The following GCNA variants were observed in gnomAD, a reference collection of about 807,000 sequenced individuals.
The protein encoded by GCNA is germ cell nuclear acidic peptidase.
GCNA carries 3 observed loss-of-function variants against 38.8 expected under a neutral mutation model. The observed-to-expected ratio is 0.08, with a 90% confidence interval of 0.04 to 0.20. The LOEUF (loss-of-function observed/expected upper bound fraction) is 0.20, where lower values mean the gene tolerates loss of function less well. Among genes scored for constraint, GCNA ranks in the 10% least tolerant of loss-of-function variants. The pLI is 1.00. For missense variants in GCNA, 446 were observed against 578.6 expected (o/e 0.77, Z 2.35); for synonymous variants, 195 against 240.2 (o/e 0.81, Z 1.74).
intron 7 of GCNA, among the ~76,000 whole-genome samples, chrX:71,601,298 G>A (rs1200196112): frequency 1.8e-5 from 2 of 109,477 alleles, no homozygotes; most frequent in Admixed American, 9.8e-5. Flanking sequence ...CCGAGATTGC[G>A]CCACTGCATT....
At chrX:71,609,618 C>A (rs1037515105) in intron 10 of GCNA, among the ~76,000 whole-genome samples, 6 of 112,216 alleles carry the variant, frequency 5.3e-5, no homozygotes, top group Non-Finnish European at 9.4e-5. Flanking sequence ...AATACACATA[C>A]AGTGCCTAGA....
At chrX:71,590,957 A>G (rs1052585651) in intron 2 of GCNA, among the ~76,000 whole-genome samples, 2 of 111,906 alleles carry the variant, frequency 1.8e-5, no homozygotes, top group Admixed American at 1.9e-4. Flanking sequence ...TGCTGGGATT[A>G]CAAGCGTGAG....
At chrX:71,595,138 C>T (rs1450612324) in intron 6 of GCNA, among the ~76,000 whole-genome samples, 4 of 111,887 alleles carry the variant, frequency 3.6e-5, no homozygotes, top group Middle Eastern at 4.6e-3. Flanking sequence ...TCTTGCTCGA[C>T]CAGGTTCGAG....
chrX:71,594,862 A>C (rs1399193769), intron 6 of GCNA, 83 bp downstream of exon 6: 1 of 529,045 alleles, frequency 1.9e-6, no homozygotes, highest in Non-Finnish European at 3.1e-6. Context: ...TGTCTAAGGA[A>C]ATTTAAGAGT....
In GCNA at chrX:71,594,327, G is replaced by A; in HGVS notation, c.141-4G>A. ...TTTATAAAGTATCTCTTTTATTTTT[G>A]CAGTTGCATCCTTAATGTCCAGTCA... On this transcript the variant is annotated splice_region_variant and splice_polypyrimidine_tract_variant and intron_variant, in intron 4 of 12. Coordinates refer to ENST00000373696, the MANE Select transcript of GCNA (RefSeq NM_052957.5). 1 of 1,199,517 alleles carries A rather than the reference G, an allele frequency of 8.3e-7. No homozygotes were observed. The highest frequency in any genetic ancestry group is 1.1e-6 in the Non-Finnish European group (1 of 887,515).
intron 7 of GCNA, among the ~76,000 whole-genome samples, chrX:71,600,292 A>T (rs1243820798): frequency 9.0e-6 from 1 of 111,627 alleles, no homozygotes; most frequent in African/African-American, 3.3e-5. Flanking sequence ...CAGAGTTGTC[A>T]ATTTTTAATT....
intron 11 of GCNA, among the ~76,000 whole-genome samples, chrX:71,611,910 A>C (rs1343101262): frequency 9.0e-6 from 1 of 111,117 alleles, no homozygotes; most frequent in East Asian, 2.8e-4. Flanking sequence ...GCTTGCCTGC[A>C]TGTGCTTCTT....
Position 71,592,113 on chromosome X carries a change from T to C in GCNA, c.60-9T>C. ...CTCCTTTTATAAAGTATCTCTTTTATTTTTGCAGTTACATCCTTAATGTTC... is the reference window on the plus strand; with the variant it reads ...CTCCTTTTATAAAGTATCTCTTTTACTTTTGCAGTTACATCCTTAATGTTC... On this transcript the variant is annotated splice_polypyrimidine_tract_variant and intron_variant, in intron 2 of 12. Transcript: ENST00000373696. 8.3e-7 allele frequency: 1 copy of C among 1,198,265 alleles called. No homozygotes were observed. The highest frequency in any genetic ancestry group is 1.1e-6 in the Non-Finnish European group (1 of 884,565).
At chrX:71,590,869 G>A (rs1226342105) in intron 2 of GCNA, among the ~76,000 whole-genome samples, 1 of 110,341 alleles carries the variant, frequency 9.1e-6, no homozygotes, top group African/African-American at 3.3e-5. Flanking sequence ...TTTCAGTAGA[G>A]ATGGGGTTTC....
chrX:71,612,782 GC>G, intron 12 of GCNA, 79 bp from the exon 13 acceptor site: 19 of 1,161,035 alleles, frequency 1.6e-5, no homozygotes, highest in Non-Finnish European at 2.2e-5. Context: ...ATTGCTTTGG[GC>G]CCAAGGCTAA....
At chrX:71,598,097 G>A in intron 7 of GCNA, 59 bp downstream of exon 7, 2 of 882,110 alleles carry the variant, frequency 2.3e-6, no homozygotes, top group Non-Finnish European at 3.3e-6. Flanking sequence ...ATCACACGTG[G>A]TACTTTCAGG....
rs1465051137 is a variant in GCNA, at chrX:71,597,967, A to C, written c.239A>C (p.Asp80Ala). Residue 80 changes from aspartate to alanine, a missense_variant, in exon 7 of 13, where the codon GAC (aspartate) becomes GCC (alanine). By Grantham distance (126) the Asp-to-Ala change is moderately radical (BLOSUM62 -2). Transcript: ENST00000373696. Reference protein sequence around the residue: ...KRQASSVVVIDSDSDEECHTH... With the variant: ...KRQASSVVVIASDSDEECHTH... ...TCACTCAGCTCCGTGGTAGTGATTG[A>C]CTCTGATTCTGATGAGGAATGTCAC... The C allele has an allele frequency of 8.3e-7, 1 of 1,207,939 alleles. No homozygotes were observed. The highest frequency in any genetic ancestry group is 1.7e-5 in the African/African-American group (1 of 57,223).
At chrX:71,595,460 C>G (rs1238318488) in intron 6 of GCNA, among the ~76,000 whole-genome samples, 11 of 111,895 alleles carry the variant, frequency 9.8e-5, no homozygotes, top group Non-Finnish European at 2.1e-4. Flanking sequence ...CGGTGTACCA[C>G]TTGTAGTTGG....
rs778199860 is a variant in GCNA, at chrX:71,602,992, A to G, written c.311-596A>G. 2.7e-5 allele frequency among the ~76,000 whole-genome samples: 3 copies of G among 112,483 alleles called. No homozygotes were observed. The East Asian group carries it at 8.3e-4, about 31-fold the overall frequency. The stretch of plus-strand genomic sequence containing the variant: ...TAGGAGTCTAGATTCATTCTTTTGC[A>G]TATGGATATCCAGGTTTCCCAGCAC... On this transcript the variant is annotated intron_variant, in intron 7 of 12. Transcript: ENST00000373696.
At chrX:71,605,360 G>A (rs1218649407) in intron 8 of GCNA, among the ~76,000 whole-genome samples, 1 of 112,449 alleles carries the variant, frequency 8.9e-6, no homozygotes, top group Non-Finnish European at 1.9e-5. Flanking sequence ...GCACCCCTTC[G>A]ACTGTGCACG....
At chrX:71,581,682 T>C (rs1248709352) in intron 2 of GCNA, among the ~76,000 whole-genome samples, 1 of 112,145 alleles carries the variant, frequency 8.9e-6, no homozygotes, top group Non-Finnish European at 1.9e-5. Context: ...TTTTGCCTTA[T>C]TGCTTATGCC....
chrX:71,595,221 A>AG (rs2040662231), intron 6 of GCNA, among the ~76,000 whole-genome samples: 2 of 111,543 alleles, frequency 1.8e-5, no homozygotes, highest in African/African-American at 6.5e-5. Context: ...TCAGCCTCTC[A>AG]AGTAGCTGAG....
Position 71,603,527 on chromosome X carries a change from G to A in GCNA, c.311-61G>A, listed in dbSNP as rs1055442485. On this transcript the variant is annotated intron_variant, in intron 7 of 12. Transcript: ENST00000373696. Reference sequence around the variant, plus strand: ...GTGCTAAATAATCTGCTGAAATTTAGCATATAAAGGAGGTGGTAGAGGGAG... The same window carrying A: ...GTGCTAAATAATCTGCTGAAATTTAACATATAAAGGAGGTGGTAGAGGGAG... The A allele has an allele frequency of 4.4e-6, 5 of 1,149,128 alleles. No individual in the cohort carries two copies. The Admixed American group carries it at 1.4e-4, about 32-fold the overall frequency. The allele number at this position is 1,149,128 out of a possible 1,213,427, so 94.7% of individuals were successfully genotyped here.
chrX:71,608,061 A>C (rs2040780951), intron 9 of GCNA, among the ~76,000 whole-genome samples: 1 of 111,120 alleles, frequency 9.0e-6, no homozygotes. Flanking sequence ...GCCTGCAAAA[A>C]TGAATCTGGA....
Sources: allele counts gnomAD v4.1 joint callset (sites outside exome capture counted in the v4.1 genomes callset), GRCh38; gene constraint gnomAD v4.1.1; transcripts MANE v1.5; gene names NCBI Gene and HGNC (gene_info 2026-07-23, HGNC 2026-07-21).